Variants in SPAG16 observed in about 807,000 individuals in gnomAD.
The protein encoded by SPAG16 is sperm-associated antigen 16 protein.
In SPAG16, 86 loss-of-function variants were observed where a neutral mutation model predicts 80.4. That is an observed-to-expected ratio of 1.07 (90% CI 0.90 to 1.28). The LOEUF (loss-of-function observed/expected upper bound fraction) is 1.28, where lower values mean the gene tolerates loss of function less well. Ranked by LOEUF, SPAG16 falls within the 50% of genes most tolerant of loss-of-function variation. The pLI is 0.00. For missense variants in SPAG16, 870 were observed against 765.3 expected (o/e 1.14, Z -1.61); for synonymous variants, 294 against 265.9 (o/e 1.11, Z -1.03).
chr2:214,287,063 G>C (rs796923706), intron 15 of SPAG16, among the ~76,000 whole-genome samples: 3 of 152,272 alleles, frequency 2.0e-5, no homozygotes, highest in African/African-American at 7.2e-5. Context: ...TTTGGTATAA[G>C]ATTCCCTACA....
intron 10 of SPAG16, among the ~76,000 whole-genome samples, chr2:213,627,947 T>G (rs892331017): frequency 6.6e-6 from 1 of 152,246 alleles, no homozygotes; most frequent in African/African-American, 2.4e-5. Flanking sequence ...GTAGTATTTC[T>G]CTTTCTTTCA....
chr2:213,789,314 C>A (rs2070540039), intron 10 of SPAG16, among the ~76,000 whole-genome samples: 1 of 151,898 alleles, frequency 6.6e-6, no homozygotes, highest in Non-Finnish European at 1.5e-5. Flanking sequence ...GTTTTATCAG[C>A]ATTTTAATAA....
chr2:213,478,928 T>G (rs1403609846), intron 9 of SPAG16, among the ~76,000 whole-genome samples: 1 of 152,092 alleles, frequency 6.6e-6, no homozygotes, highest in Non-Finnish European at 1.5e-5. Flanking sequence ...AGGATAAGGA[T>G]AGAAAATTGG....
intron 10 of SPAG16, among the ~76,000 whole-genome samples, chr2:213,623,707 A>G (rs551191349): frequency 2.6e-5 from 4 of 152,272 alleles, no homozygotes; most frequent in Admixed American, 2.6e-4. Context: ...AAAAAGCTGT[A>G]GTAATACATG....
intron 12 of SPAG16, among the ~76,000 whole-genome samples, chr2:213,999,198 G>A (rs749327912): frequency 6.6e-6 from 1 of 152,182 alleles, no homozygotes; most frequent in African/African-American, 2.4e-5. Flanking sequence ...CAGGCTAGGA[G>A]GCTTAGGAGA....
At chr2:214,226,189 C>A (rs1313136449) in intron 15 of SPAG16, among the ~76,000 whole-genome samples, 1 of 152,074 alleles carries the variant, frequency 6.6e-6, no homozygotes, top group African/African-American at 2.4e-5. Context: ...CTGAAGTTTG[C>A]TGGCAGGTTG....
At chr2:213,848,054 G>A (rs1661744928) in intron 10 of SPAG16, among the ~76,000 whole-genome samples, 1 of 152,156 alleles carries the variant, frequency 6.6e-6, no homozygotes, top group African/African-American at 2.4e-5. Flanking sequence ...AGAGACTTGG[G>A]AATGGTGCAT....
chr2:214,227,767 T>C (rs997661374), intron 15 of SPAG16, among the ~76,000 whole-genome samples: 1 of 151,304 alleles, frequency 6.6e-6, no homozygotes, highest in African/African-American at 2.4e-5. Flanking sequence ...ACTTTAATTT[T>C]CCTATCTTAT....
chr2:214,148,042 A>C (rs2055750063), intron 14 of SPAG16, among the ~76,000 whole-genome samples: 1 of 152,168 alleles, frequency 6.6e-6, no homozygotes, highest in South Asian at 2.1e-4. Context: ...GTTGACATTA[A>C]AAAATTTGAA....
intron 9 of SPAG16, among the ~76,000 whole-genome samples, chr2:213,472,389 C>T (rs568259302): frequency 9.2e-5 from 14 of 152,242 alleles, no homozygotes; most frequent in African/African-American, 1.9e-4. Context: ...TGATAATCGA[C>T]GATCATTCTC....
chr2:213,803,480 T>C (rs1643031596), intron 10 of SPAG16, among the ~76,000 whole-genome samples: 1 of 152,214 alleles, frequency 6.6e-6, no homozygotes, highest in Non-Finnish European at 1.5e-5. Flanking sequence ...ATTGTCTTTC[T>C]GTCTCTTCTG....
chr2:213,710,034 C>T (rs1027067960), intron 10 of SPAG16, among the ~76,000 whole-genome samples: 5 of 152,064 alleles, frequency 3.3e-5, no homozygotes, highest in African/African-American at 1.2e-4. Flanking sequence ...TTTAGAAGGC[C>T]GAGGTGGGCG....
At chr2:213,780,571 C>CTTTTTTTT in intron 10 of SPAG16, among the ~76,000 whole-genome samples, 2 of 124,622 alleles carry the variant, frequency 1.6e-5, no homozygotes, top group Non-Finnish European at 3.3e-5. Context: ...TCTTTTCTTT[C>CTTTTTTTT]TTTTTTTTTT....
chr2:214,027,942 A>G (rs1326777160), intron 13 of SPAG16, among the ~76,000 whole-genome samples: 1 of 151,946 alleles, frequency 6.6e-6, no homozygotes, highest in Non-Finnish European at 1.5e-5. Flanking sequence ...AAGGTATAAT[A>G]TATGACTAAG....
At chr2:214,117,872 T>C (rs1195691278) in intron 14 of SPAG16, among the ~76,000 whole-genome samples, 1 of 152,120 alleles carries the variant, frequency 6.6e-6, no homozygotes, top group East Asian at 1.9e-4. Flanking sequence ...ATAAAGGCCA[T>C]ATATGAGAAA....
chr2:214,405,794 T>A (rs1046823791), intron 15 of SPAG16, among the ~76,000 whole-genome samples: 2 of 152,166 alleles, frequency 1.3e-5, no homozygotes, highest in Non-Finnish European at 2.9e-5. Flanking sequence ...TGAAACTCCA[T>A]CTCAAAAATA....
intron 15 of SPAG16, among the ~76,000 whole-genome samples, chr2:214,351,774 A>G (rs995899187): frequency 1.3e-4 from 19 of 149,838 alleles, no homozygotes; most frequent in African/African-American, 4.6e-4. Context: ...AATTGTATCA[A>G]TTTTTTTTTT....
chr2:213,444,933 A>C (rs2071202307), intron 9 of SPAG16, among the ~76,000 whole-genome samples: 1 of 152,200 alleles, frequency 6.6e-6, no homozygotes, highest in Non-Finnish European at 1.5e-5. Context: ...ATTCAGAAAT[A>C]AATCCACTCA....
At chr2:214,351,494 G>C (rs918252945) in intron 15 of SPAG16, among the ~76,000 whole-genome samples, 1 of 151,800 alleles carries the variant, frequency 6.6e-6, no homozygotes, top group Non-Finnish European at 1.5e-5. Flanking sequence ...GAGGTCAGGA[G>C]ATCGAGACCA....
Sources: allele counts gnomAD v4.1 joint callset (sites outside exome capture counted in the v4.1 genomes callset), GRCh38; gene constraint gnomAD v4.1.1; transcripts MANE v1.5; gene names NCBI Gene and HGNC (gene_info 2026-07-23, HGNC 2026-07-21).